Variants in CHCHD6 observed in about 807,000 individuals in gnomAD.
The protein encoded by CHCHD6 is coiled-coil-helix-coiled-coil-helix domain containing 6.
In CHCHD6, 28 loss-of-function variants were observed where a neutral mutation model predicts 32.3. That is an observed-to-expected ratio of 0.87 (90% CI 0.64 to 1.19). The LOEUF is 1.19. CHCHD6 is among the 50% of genes most tolerant of loss of function. The probability of loss-of-function intolerance (pLI) is 0.00; values close to 1 mark genes in which losing one functional copy is unlikely to be tolerated. For synonymous variants in CHCHD6, 122 were observed against 117.5 expected (o/e 1.04, Z -0.25); for missense variants, 333 against 307.0 (o/e 1.08, Z -0.63).
chr3:126,772,955 G>A (rs898451148), intron 4 of CHCHD6, among the ~76,000 whole-genome samples: 6 of 152,060 alleles, frequency 3.9e-5, no homozygotes, highest in East Asian at 1.9e-4. Context: ...TTTGCTTGTC[G>A]GAAAAGGATC....
chr3:126,940,047 G>T (rs2078536897), intron 6 of CHCHD6, among the ~76,000 whole-genome samples: 2 of 152,284 alleles, frequency 1.3e-5, no homozygotes, highest in South Asian at 4.1e-4. Flanking sequence ...GTTTACTGTA[G>T]CATCTTAAAA....
At chr3:126,904,754 AAATGCC>A (rs2077981107) in intron 5 of CHCHD6, among the ~76,000 whole-genome samples, 2 of 152,178 alleles carry the variant, frequency 1.3e-5, no homozygotes, top group South Asian at 4.1e-4. Flanking sequence ...GCCTTCTCAC[AAATGCC>A]AATACTTCTG....
At chr3:126,759,589 C>T (rs1352519115) in intron 4 of CHCHD6, among the ~76,000 whole-genome samples, 1 of 152,090 alleles carries the variant, frequency 6.6e-6, no homozygotes. Flanking sequence ...TCTATAAAAC[C>T]ACTTGGATTT....
At chr3:126,929,724 C>A (rs537314007) in intron 6 of CHCHD6, among the ~76,000 whole-genome samples, 2 of 152,188 alleles carry the variant, frequency 1.3e-5, no homozygotes, top group South Asian at 2.1e-4. Flanking sequence ...CACCACCATG[C>A]CTGGCTAATT....
chr3:126,898,821 G>C (rs1190487861), intron 5 of CHCHD6, among the ~76,000 whole-genome samples: 1 of 152,220 alleles, frequency 6.6e-6, no homozygotes, highest in African/African-American at 2.4e-5. Context: ...TTACAGGCGT[G>C]AGCCACCACA....
At chr3:126,885,379 G>A (rs2077665680) in intron 5 of CHCHD6, among the ~76,000 whole-genome samples, 4 of 152,068 alleles carry the variant, frequency 2.6e-5, no homozygotes, top group Admixed American at 2.6e-4. Context: ...GCCCAACTCC[G>A]CTTTCTTCCA....
intron 6 of CHCHD6, among the ~76,000 whole-genome samples, chr3:126,915,321 G>A (rs2078153343): frequency 6.6e-6 from 1 of 152,226 alleles, no homozygotes; most frequent in South Asian, 2.1e-4. Context: ...GTGCTCCTAT[G>A]CTGTCCATTG....
At chr3:126,740,475 A>G (rs556086650) in intron 4 of CHCHD6, among the ~76,000 whole-genome samples, 61 of 152,242 alleles carry the variant, frequency 4.0e-4, no homozygotes, top group Non-Finnish European at 2.6e-4. Flanking sequence ...TGTTGTCATC[A>G]CCTTTAGAGC....
intron 4 of CHCHD6, among the ~76,000 whole-genome samples, chr3:126,764,796 G>T (rs1937298816): frequency 6.6e-6 from 1 of 152,250 alleles, no homozygotes; most frequent in South Asian, 2.1e-4. Context: ...GGAAGTTTGA[G>T]TTAGAGATGG....
chr3:126,817,088 C>T (rs148463345), intron 4 of CHCHD6, among the ~76,000 whole-genome samples: 1,565 of 152,222 alleles, frequency 0.01, 24 homozygotes, highest in African/African-American at 0.034. Context: ...TAAAGGAGCC[C>T]TGCTGTGGAT....
chr3:126,791,186 T>G (rs1379810797), intron 4 of CHCHD6, among the ~76,000 whole-genome samples: 2 of 152,202 alleles, frequency 1.3e-5, no homozygotes, highest in Non-Finnish European at 2.9e-5. Context: ...CTCTGGAAGT[T>G]TCATCTCAGA....
At position 126,908,142 on chromosome 3, in the gene CHCHD6, C is replaced by T. The variant is rs555010929; in HGVS notation, c.496-6538C>T. On this transcript the variant is annotated intron_variant, in intron 5 of 7. Transcript: ENST00000290913. ...TGTTGAACCTTGTGAGTGGACATAT[C>T]ACTGTTTGATTGGAGTTTTGAATAC... Among the ~76,000 whole-genome samples, 3 of 152,316 alleles carry T rather than the reference C, an allele frequency of 2.0e-5. No homozygotes were observed. The South Asian group carries it at 6.2e-4, about 32-fold the overall frequency.
intron 4 of CHCHD6, chr3:126,766,619 C>T (rs1937379959): frequency 3.7e-6 from 4 of 1,086,644 alleles, no homozygotes; most frequent in Middle Eastern, 3.0e-4. Flanking sequence ...AGCCCAGTTC[C>T]CCGAAGGTCG....
At chr3:126,873,817 T>C (rs965168485) in intron 5 of CHCHD6, among the ~76,000 whole-genome samples, 3 of 152,206 alleles carry the variant, frequency 2.0e-5, no homozygotes, top group Admixed American at 1.3e-4. Flanking sequence ...AGTAAGTAGA[T>C]GCAGGTATTC....
intron 4 of CHCHD6, among the ~76,000 whole-genome samples, chr3:126,810,369 A>T (rs1225442065): frequency 6.6e-6 from 1 of 152,238 alleles, no homozygotes; most frequent in Non-Finnish European, 1.5e-5. Context: ...AAGTCAATAG[A>T]TGCCAGAATT....
intron 6 of CHCHD6, among the ~76,000 whole-genome samples, chr3:126,925,567 A>G (rs1023279696): frequency 2.0e-5 from 3 of 152,136 alleles, no homozygotes; most frequent in African/African-American, 2.4e-5. Context: ...CCTCTTCCTC[A>G]TCTGACCATG....
intron 6 of CHCHD6, among the ~76,000 whole-genome samples, chr3:126,954,510 T>C (rs28718913): frequency 0.18 from 27,140 of 152,090 alleles, 2,916 homozygotes; most frequent in African/African-American, 0.29. Context: ...CCACTTAGCC[T>C]CCGCCTGTCC....
intron 5 of CHCHD6, among the ~76,000 whole-genome samples, chr3:126,904,887 C>T (rs114373497): frequency 1.3e-5 from 2 of 152,218 alleles, no homozygotes; most frequent in Non-Finnish European, 2.9e-5. Flanking sequence ...AATAGATGTC[C>T]TAGAATGAGG....
At chr3:126,716,236 T>C (rs372386668) in intron 1 of CHCHD6, among the ~76,000 whole-genome samples, 5 of 152,358 alleles carry the variant, frequency 3.3e-5, no homozygotes, top group East Asian at 3.9e-4. Flanking sequence ...CCTGATGTTT[T>C]CACGTCCCTG....
Sources: allele counts gnomAD v4.1 joint callset (sites outside exome capture counted in the v4.1 genomes callset), GRCh38; gene constraint gnomAD v4.1.1; transcripts MANE v1.5; gene names NCBI Gene and HGNC (gene_info 2026-07-23, HGNC 2026-07-21).